The following DUS2 variants were observed in gnomAD, a reference collection of about 807,000 sequenced individuals.
DUS2 encodes dihydrouridine synthase 2.
DUS2 carries 52 observed loss-of-function variants against 71.3 expected under a neutral mutation model. The observed-to-expected ratio is 0.73, with a 90% CI of 0.58 to 0.92. The LOEUF (loss-of-function observed/expected upper bound fraction) is 0.92. DUS2 is among the 40% of genes least tolerant of loss of function. The pLI is 0.00. For synonymous variants in DUS2, 204 were observed against 227.8 expected (o/e 0.90, Z 0.94); for missense variants, 558 against 622.6 (o/e 0.90, Z 1.10).
At position 68,041,287 on chromosome 16, in the gene DUS2, C is replaced by T. The variant is rs546519033; in HGVS notation, c.126+3138C>T. Among the ~76,000 whole-genome samples the T allele has an allele frequency of 7.2e-5, 11 of 152,172 alleles. No individual in the cohort carries two copies. The East Asian group carries it at 1.7e-3, about 24-fold the overall frequency. On this transcript the variant is annotated intron_variant, in intron 3 of 16. Transcript: ENST00000565263. ...GCCAGTCTGTAAAAGGCAAGAGAGC[C>T]GTAGTCTTCCCACATCAGGGTCTGT...
At chr16:68,026,236 C>G (rs1160315213) in intron 2 of DUS2, among the ~76,000 whole-genome samples, 1 of 152,136 alleles carries the variant, frequency 6.6e-6, no homozygotes, top group Non-Finnish European at 1.5e-5. Flanking sequence ...GTTGATCTGC[C>G]TGCCTTGGCC....
chr16:68,042,977 G>T (rs1254587319), intron 3 of DUS2, among the ~76,000 whole-genome samples: 4 of 152,110 alleles, frequency 2.6e-5, no homozygotes. Context: ...CAAAGTGCTG[G>T]GATTACAGGC....
At position 68,078,877 on chromosome 16, in the gene DUS2, A is replaced by G. The variant is rs1477652107; in HGVS notation, c.1373A>G (p.Gln458Arg). The G allele has an allele frequency of 1.9e-6, 3 of 1,613,768 alleles. No individual in the cohort carries two copies. The highest frequency in any genetic ancestry group is 2.5e-6 in the Non-Finnish European group (3 of 1,179,738). ...AAGCGAAAGAGGGAGGCTCCTGACC[A>G]AGACCCTGGGGGCCCCAGAGCTCAG... ...LHKRKREAPD[Q>R]DPGGPRAQEL... is the part of the protein sequence containing the mutation. Residue 458 changes from glutamine (Q) to arginine (R), a missense_variant, in exon 17 of 17, where the codon CAA (glutamine) becomes CGA (arginine). Gln to Arg is a conservative substitution (Grantham distance 43). Transcript: ENST00000565263.
intron 2 of DUS2, among the ~76,000 whole-genome samples, chr16:68,031,806 T>C (rs1598299344): frequency 6.6e-6 from 1 of 152,320 alleles, no homozygotes; most frequent in Admixed American, 6.5e-5. Flanking sequence ...GTGATTCTCC[T>C]GCTTCAGCCT....
chr16:68,027,015 T>C (rs2033360895), intron 2 of DUS2: 1 of 152,196 alleles, frequency 6.6e-6, no homozygotes, highest in Non-Finnish European at 1.5e-5. Context: ...TGCTTTCTTA[T>C]GTGAATCTTG....
At chr16:68,037,241 A>G (rs1416465345) in intron 2 of DUS2, among the ~76,000 whole-genome samples, 2 of 150,392 alleles carry the variant, frequency 1.3e-5, no homozygotes, top group Non-Finnish European at 2.9e-5. Context: ...CTTAATAAAT[A>G]TTCGTTAGAT....
chr16:68,028,472 A>G (rs766954557), intron 2 of DUS2, among the ~76,000 whole-genome samples: 1 of 150,664 alleles, frequency 6.6e-6, no homozygotes, highest in Non-Finnish European at 1.5e-5. Context: ...CATCCCTACT[A>G]AAAAAAAATA....
chr16:68,048,521 A>G (rs1052482984), intron 3 of DUS2, among the ~76,000 whole-genome samples: 3 of 152,170 alleles, frequency 2.0e-5, no homozygotes, highest in Non-Finnish European at 4.4e-5. Flanking sequence ...TGGTCATCAG[A>G]TATTTGATGA....
At chr16:68,039,017 A>G (rs2033579703) in intron 3 of DUS2, among the ~76,000 whole-genome samples, 1 of 151,954 alleles carries the variant, frequency 6.6e-6, no homozygotes, top group East Asian at 1.9e-4. Flanking sequence ...TGGGCAACGT[A>G]GTGAGACCCT....
intron 2 of DUS2, among the ~76,000 whole-genome samples, chr16:68,035,989 ATTATTT>A (rs201379533): frequency 0.016 from 2,247 of 142,380 alleles, 78 homozygotes; most frequent in African/African-American, 0.055. Flanking sequence ...ACATATATAT[ATTATTT>A]TTATTTTTAT....
intron 3 of DUS2, among the ~76,000 whole-genome samples, chr16:68,040,985 C>T (rs776422388): frequency 2.6e-4 from 39 of 152,318 alleles, no homozygotes; most frequent in Non-Finnish European, 4.9e-4. Flanking sequence ...AATCCCAGCA[C>T]TTTGGGAGGC....
At chr16:68,061,254 T>A (rs1190975493) in intron 8 of DUS2, 141 bp downstream of exon 8, 5 of 847,648 alleles carry the variant, frequency 5.9e-6, no homozygotes, top group Non-Finnish European at 9.2e-6. Flanking sequence ...TTCCAAAAAA[T>A]TTTCCAGTGA....
chr16:68,071,219 T>G (rs2034082547), intron 12 of DUS2, 111 bp downstream of exon 12: 2 of 1,221,844 alleles, frequency 1.6e-6, no homozygotes, highest in Non-Finnish European at 2.3e-6. Flanking sequence ...GTTCCTCTCC[T>G]TTTCTTTTTA....
In DUS2 at chr16:68,066,616, T is replaced by C. The variant is rs2285911; in HGVS notation, c.534T>C (p.Ala178=). The C allele has an allele frequency of 1.2e-6, 2 of 1,614,054 alleles. No individual in the cohort carries two copies. Among genetic ancestry groups the C allele is most frequent in the East Asian group, 2.2e-5 (1 of 44,896 alleles). ...AGCGGATAGAGAGGACTGGCATTGC[T>C]GCCATCGCAGTTCATGGGAGGTGAG... The part of the protein sequence containing the change: ...LVKRIERTGI[A]AIAVHGRKRE... Residue 178 remains alanine, a synonymous_variant, in exon 10 of 17, where the codon GCT becomes GCC. Coordinates refer to ENST00000565263, the MANE Select transcript of DUS2 (RefSeq NM_017803.5).
chr16:68,035,884 T>TTATA lies in DUS2; in HGVS notation c.-18-2079_-18-2076dup, dbSNP rs71145987. Among the ~76,000 whole-genome samples, 251 of 113,162 alleles carry TTATA rather than the reference T, an allele frequency of 2.2e-3. 1 individual carries two copies. The highest frequency in any genetic ancestry group is 9.3e-3 in the African/African-American group (209 of 22,366). The allele number at this position is 113,162 out of a possible 152,430, so 74.2% of individuals were successfully genotyped here. ...TGTGTACCACCACATCCCGCTAATT[T>TTATA]TATATATATATATATATATATATAT... On this transcript the variant is annotated intron_variant, in intron 2 of 16. Transcript: ENST00000565263.
rs577211576 is a variant in DUS2 at position 68,050,435 on chromosome 16, C to T, written c.172+885C>T. 1.8e-4 allele frequency among the ~76,000 whole-genome samples: 28 copies of T among 152,064 alleles called. 1 individual carries two copies. Among genetic ancestry groups the T allele is most frequent in the African/African-American group, 6.3e-4 (26 of 41,480 alleles). On this transcript the variant is annotated intron_variant, in intron 4 of 16. Transcript: ENST00000565263. ...ACAGGTGTGAGCCACCATGCCTGGC[C>T]GAACTATTTTAAATGTGTATATTTT... is the stretch of plus-strand genomic sequence containing the variant.
chr16:68,056,473 A>G, intron 7 of DUS2, 49 bp downstream of exon 7: 5 of 1,483,806 alleles, frequency 3.4e-6, no homozygotes, highest in Non-Finnish European at 4.7e-6. Flanking sequence ...GCAGATTAAG[A>G]GGCTGACAAG....
chr16:68,059,756 GT>G (rs1024420601), intron 7 of DUS2, among the ~76,000 whole-genome samples: 1 of 151,660 alleles, frequency 6.6e-6, no homozygotes, highest in African/African-American at 2.4e-5. Context: ...TATTGGAATT[GT>G]TTTTTTTGCC....
At chr16:68,050,737 GTGT>G (rs2033767760) in intron 4 of DUS2, among the ~76,000 whole-genome samples, 1 of 151,902 alleles carries the variant, frequency 6.6e-6, no homozygotes, top group South Asian at 2.1e-4. Context: ...CATACAACAC[GTGT>G]TGTTTTGCCA....
Sources: gnomAD v4.1 joint callset for allele counts (sites outside exome capture counted in the v4.1 genomes callset) on GRCh38, gnomAD v4.1.1 for gene constraint, MANE v1.5 for transcripts, NCBI Gene and HGNC (gene_info 2026-07-23, HGNC 2026-07-21) for gene names.